GRAMD1B: variants seen among roughly 807,000 people sequenced by gnomAD.
GRAMD1B encodes the protein GRAM domain containing 1B.
A neutral mutation model predicts 99.7 loss-of-function variants in GRAMD1B; 37 were observed. The observed-to-expected ratio is 0.37, with a 90% confidence interval of 0.29 to 0.49. GRAMD1B has a LOEUF of 0.49. Ranked by LOEUF, GRAMD1B falls within the 20% of genes least tolerant of loss-of-function variation. The pLI, the probability that GRAMD1B is intolerant of heterozygous loss-of-function variation, is 0.98. For missense variants in GRAMD1B, 888 were observed against 1,009.2 expected (o/e 0.88, Z 1.63); for synonymous variants, 427 against 387.6 (o/e 1.10, Z -1.19).
intron 2 of GRAMD1B, among the ~76,000 whole-genome samples, chr11:123,563,335 G>A (rs979889253): frequency 5.9e-5 from 9 of 152,174 alleles, no homozygotes; most frequent in African/African-American, 2.2e-4. Flanking sequence ...GATGTTGTAG[G>A]AGAAGTGATT....
intron 17 of GRAMD1B, among the ~76,000 whole-genome samples, chr11:123,616,845 G>C (rs915442961): frequency 2.0e-5 from 3 of 152,244 alleles, no homozygotes; most frequent in African/African-American, 7.2e-5. Flanking sequence ...CAGGCACCAA[G>C]ATCGTGAGCA....
Position 123,454,164 on chromosome 11 carries a change from A to G in GRAMD1B, c.374+22998A>G, listed in dbSNP as rs546569019. On this transcript the variant is annotated intron_variant, in intron 1 of 19. Transcript: ENST00000635736. ...GCATCATCAGCTTCCTCTTACACACATTGGTCATCATGATAATACCTACCT... is the reference window on the plus strand; with the variant it reads ...GCATCATCAGCTTCCTCTTACACACGTTGGTCATCATGATAATACCTACCT... 9.7e-4 allele frequency among the ~76,000 whole-genome samples: 148 copies of G among 152,322 alleles called. 1 individual carries two copies. Among genetic ancestry groups the G allele is most frequent in the Non-Finnish European group, 2.0e-3 (133 of 68,034 alleles).
chr11:123,577,669 C>T, intron 3 of GRAMD1B, 92 bp downstream of exon 3: 1 of 947,532 alleles, frequency 1.1e-6, no homozygotes, highest in East Asian at 2.6e-5. Flanking sequence ...TGCGAGGGTC[C>T]TCACGTGATG....
At chr11:123,493,680 AG>A (rs1353892030) in intron 2 of GRAMD1B, among the ~76,000 whole-genome samples, 3 of 152,180 alleles carry the variant, frequency 2.0e-5, no homozygotes, top group Non-Finnish European at 4.4e-5. Flanking sequence ...CCAGCTGATT[AG>A]GAAGAGGGTC....
intron 2 of GRAMD1B, among the ~76,000 whole-genome samples, chr11:123,505,721 T>C (rs1940356725): frequency 6.6e-6 from 1 of 152,146 alleles, no homozygotes. Flanking sequence ...TTCCTCACGC[T>C]CAGCTGCCTC....
chr11:123,387,904 A>G (rs907173478), intron 1 of GRAMD1B, among the ~76,000 whole-genome samples: 6 of 151,978 alleles, frequency 3.9e-5, no homozygotes, highest in African/African-American at 7.3e-5. Context: ...CAGGTGGATC[A>G]TCTGAGGTCA....
At chr11:123,454,127 G>A (rs931950313) in intron 1 of GRAMD1B, among the ~76,000 whole-genome samples, 6 of 152,140 alleles carry the variant, frequency 3.9e-5, no homozygotes, top group South Asian at 2.1e-4. Flanking sequence ...CGTTCTTTCC[G>A]CAGGCAGCTT....
intron 1 of GRAMD1B, among the ~76,000 whole-genome samples, chr11:123,380,573 C>T (rs1364698312): frequency 1.3e-5 from 2 of 152,162 alleles, no homozygotes; most frequent in South Asian, 4.1e-4. Flanking sequence ...GGTGTTCAAA[C>T]CTGCAAATAT....
chr11:123,462,284 T>C (rs1048477442), intron 1 of GRAMD1B, among the ~76,000 whole-genome samples: 1 of 152,190 alleles, frequency 6.6e-6, no homozygotes, highest in African/African-American at 2.4e-5. Flanking sequence ...TGTTTATTTC[T>C]ATGGTTTCAC....
intron 1 of GRAMD1B, chr11:123,458,718 C>T (rs1276828131): frequency 2.7e-5 from 4 of 147,622 alleles, no homozygotes; most frequent in Non-Finnish European, 4.5e-5. Flanking sequence ...CCCTCCTCTT[C>T]ATACTCCCCA....
At chr11:123,548,979 C>A (rs1945336514) in intron 2 of GRAMD1B, among the ~76,000 whole-genome samples, 1 of 152,186 alleles carries the variant, frequency 6.6e-6, no homozygotes, top group Non-Finnish European at 1.5e-5. Flanking sequence ...ATCTGCCCAG[C>A]ACAGCCTCCC....
chr11:123,479,863 A>G (rs1951493465), intron 1 of GRAMD1B, among the ~76,000 whole-genome samples: 1 of 152,194 alleles, frequency 6.6e-6, no homozygotes, highest in Non-Finnish European at 1.5e-5. Flanking sequence ...CCTGTCATGA[A>G]ATATTCTTTT....
At chr11:123,526,958 T>C (rs536148845) in intron 2 of GRAMD1B, among the ~76,000 whole-genome samples, 6 of 152,226 alleles carry the variant, frequency 3.9e-5, no homozygotes, top group Non-Finnish European at 8.8e-5. Flanking sequence ...GTGGAGAAAC[T>C]GCAGATTTTG....
chr11:123,488,415 G>A (rs1418370471), intron 2 of GRAMD1B, among the ~76,000 whole-genome samples: 5 of 152,168 alleles, frequency 3.3e-5, no homozygotes, highest in Non-Finnish European at 5.9e-5. Flanking sequence ...ATTTGGGCAT[G>A]GTATAATGGA....
At chr11:123,374,710 A>G (rs575537115) in intron 1 of GRAMD1B, among the ~76,000 whole-genome samples, 1 of 152,366 alleles carries the variant, frequency 6.6e-6, no homozygotes, top group South Asian at 2.1e-4. Flanking sequence ...GGGTAGGGCT[A>G]ATGAGCTTTC....
At chr11:123,401,012 T>A (rs1282527707) in intron 1 of GRAMD1B, among the ~76,000 whole-genome samples, 1 of 149,028 alleles carries the variant, frequency 6.7e-6, no homozygotes, top group East Asian at 1.9e-4. Flanking sequence ...GCATGCTCTC[T>A]CTCTCTAACA....
intron 19 of GRAMD1B, among the ~76,000 whole-genome samples, chr11:123,620,834 G>A (rs1279933490): frequency 1.3e-5 from 2 of 152,204 alleles, no homozygotes; most frequent in Admixed American, 6.5e-5. Flanking sequence ...TGTGGCTAAT[G>A]CTGTCCAGCA....
At chr11:123,608,230 C>G in intron 11 of GRAMD1B, 2 of 464,622 alleles carry the variant, frequency 4.3e-6, no homozygotes, top group Non-Finnish European at 7.7e-6. Flanking sequence ...TTCCCTCGAA[C>G]AGACCTATGC....
intron 1 of GRAMD1B, among the ~76,000 whole-genome samples, chr11:123,456,937 A>G (rs1156901918): frequency 7.1e-6 from 1 of 141,134 alleles, no homozygotes; most frequent in African/African-American, 2.6e-5. Flanking sequence ...AAAAAAAAAA[A>G]GAAAAAGAAA....
Sources: gnomAD v4.1 joint callset for allele counts (sites outside exome capture counted in the v4.1 genomes callset) on GRCh38, gnomAD v4.1.1 for gene constraint, MANE v1.5 for transcripts, NCBI Gene and HGNC (gene_info 2026-07-23, HGNC 2026-07-21) for gene names.